The following SLC25A26 variants were observed in gnomAD, a reference collection of about 807,000 sequenced individuals.
SLC25A26 encodes mitochondrial S-adenosylmethionine carrier protein.
Under a neutral mutation model 37.8 loss-of-function variants are expected in SLC25A26, and 36 were observed. The ratio of observed to expected loss-of-function variants is 0.95; its 90% confidence interval spans 0.73 to 1.26. The LOEUF is 1.26. Ranked by LOEUF, SLC25A26 falls within the 50% of genes most tolerant of loss-of-function variation. The pLI, the probability that SLC25A26 is intolerant of heterozygous loss-of-function variation, is 0.00. For missense variants in SLC25A26, 390 were observed against 331.1 expected, an observed-to-expected ratio of 1.18 and a Z score of -1.38; for synonymous variants, 129 against 122.5, an observed-to-expected ratio of 1.05 and a Z score of -0.35.
intron 5 of SLC25A26, among the ~76,000 whole-genome samples, chr3:66,322,698 T>C (rs969424853): frequency 6.6e-6 from 1 of 152,246 alleles, no homozygotes; most frequent in Admixed American, 6.5e-5. Context: ...ATTTGAAGTT[T>C]TGTACATATG....
At chr3:66,241,344 C>G (rs2072575561) in intron 2 of SLC25A26, among the ~76,000 whole-genome samples, 1 of 152,056 alleles carries the variant, frequency 6.6e-6, no homozygotes, top group Admixed American at 6.6e-5. Context: ...TAGGGAATTG[C>G]AAAGAAACAT....
At chr3:66,309,082 G>A (rs1160675614) in intron 5 of SLC25A26, among the ~76,000 whole-genome samples, 1 of 152,094 alleles carries the variant, frequency 6.6e-6, no homozygotes, top group African/African-American at 2.4e-5. Context: ...TTCTTTTTCT[G>A]TTGTTTGGAA....
chr3:66,348,150 A>G (rs2076369805), intron 6 of SLC25A26, among the ~76,000 whole-genome samples: 1 of 152,220 alleles, frequency 6.6e-6, no homozygotes, highest in South Asian at 2.1e-4. Context: ...CAACAACAGC[A>G]AAAGACATTT....
At chr3:66,141,300 C>A (rs1398365050) in intron 1 of SLC25A26, among the ~76,000 whole-genome samples, 2 of 151,638 alleles carry the variant, frequency 1.3e-5, no homozygotes. Flanking sequence ...GGTCTTGCTG[C>A]ATATGTGGTC....
rs115963501 is a variant in SLC25A26, at chr3:66,261,435, A to G, written c.301-616A>G. ...TGGCAGTGTGGATTTGAGATGACAT[A>G]TACCCGGCCTCAGCATGTCACCAAG... On this transcript the variant is annotated intron_variant, in intron 3 of 9. Transcript: ENST00000354883. Among the ~76,000 whole-genome samples the G allele has an allele frequency of 8.0e-3, 1,217 of 152,278 alleles. 19 individuals are homozygous for G. The highest frequency in any genetic ancestry group is 0.028 in the African/African-American group (1,157 of 41,546).
chr3:66,344,642 C>T (rs775026351), intron 5 of SLC25A26, among the ~76,000 whole-genome samples: 13 of 152,338 alleles, frequency 8.5e-5, no homozygotes, highest in Non-Finnish European at 1.2e-4. Context: ...GGGCCCGTGG[C>T]GTGTGCGTGT....
intron 4 of SLC25A26, among the ~76,000 whole-genome samples, chr3:66,262,685 A>T (rs1276228020): frequency 6.6e-6 from 1 of 152,206 alleles, no homozygotes; most frequent in Admixed American, 6.5e-5. Context: ...AGAATCAATC[A>T]CATGGGAATT....
chr3:66,265,989 A>G (rs1332090235), intron 5 of SLC25A26, among the ~76,000 whole-genome samples: 5 of 152,252 alleles, frequency 3.3e-5, no homozygotes, highest in Non-Finnish European at 4.4e-5. Context: ...GATAAAACAC[A>G]TGGTCGCAAC....
At chr3:66,215,390 A>T in intron 1 of SLC25A26, among the ~76,000 whole-genome samples, 1 of 152,052 alleles carries the variant, frequency 6.6e-6, no homozygotes. Flanking sequence ...TTGTAGAAAC[A>T]AGGTCTCCCC....
intron 1 of SLC25A26, among the ~76,000 whole-genome samples, chr3:66,138,137 A>G (rs941670600): frequency 2.6e-5 from 4 of 152,178 alleles, no homozygotes; most frequent in African/African-American, 4.8e-5. Context: ...ATCGGCCCAC[A>G]TGAACATTTT....
At chr3:66,295,731 C>G (rs2074880186) in intron 5 of SLC25A26, among the ~76,000 whole-genome samples, 1 of 151,898 alleles carries the variant, frequency 6.6e-6, no homozygotes, top group Admixed American at 6.5e-5. Context: ...AACTCCTGAC[C>G]TCGTGATCCG....
intron 1 of SLC25A26, among the ~76,000 whole-genome samples, chr3:66,208,666 A>ATG (rs1218856700): frequency 2.9e-5 from 1 of 33,950 alleles, no homozygotes; most frequent in Admixed American, 3.0e-4. Flanking sequence ...ATATGGGTAT[A>ATG]TATATATATA....
At chr3:66,295,315 C>G (rs2074860324) in intron 5 of SLC25A26, among the ~76,000 whole-genome samples, 1 of 152,124 alleles carries the variant, frequency 6.6e-6, no homozygotes, top group South Asian at 2.1e-4. Flanking sequence ...GCTCTGCCTC[C>G]CGGGTTCAAG....
At chr3:66,222,330 G>A (rs2071538208) in intron 1 of SLC25A26, among the ~76,000 whole-genome samples, 1 of 152,126 alleles carries the variant, frequency 6.6e-6, no homozygotes, top group African/African-American at 2.4e-5. Context: ...GCAGGTGCCC[G>A]CCACTACGCC....
intron 6 of SLC25A26, among the ~76,000 whole-genome samples, chr3:66,358,742 C>T (rs1023615605): frequency 1.3e-5 from 2 of 152,144 alleles, no homozygotes; most frequent in African/African-American, 2.4e-5. Context: ...TCCTCCCATC[C>T]GGGCCTCCCA....
chr3:66,262,309 CT>C (rs1467306410), intron 4 of SLC25A26, 154 bp downstream of exon 4: 1 of 155,376 alleles, frequency 6.4e-6, no homozygotes, highest in Non-Finnish European at 1.4e-5. Context: ...TTATCTTTGC[CT>C]TTTATTGGTT....
At chr3:66,333,036 C>T (rs1045285105) in intron 5 of SLC25A26, among the ~76,000 whole-genome samples, 4 of 152,018 alleles carry the variant, frequency 2.6e-5, no homozygotes, top group Admixed American at 6.6e-5. Context: ...CTTCCATTGT[C>T]GCGGGTGAGA....
Position 66,377,750 on chromosome 3 carries a change from G to C in SLC25A26, c.768G>C (p.Leu256=). The change falls in exon 10 of 10, where the codon CTG becomes CTC. Residue 256 remains leucine, a synonymous_variant. Coordinates refer to ENST00000354883, the MANE Select transcript of SLC25A26 (RefSeq NM_001379210.1). ...AAISLGGFIF[L]GAYDRTHSLL... Reference sequence around the variant, plus strand: ...TCAGTCTGGGAGGTTTCATCTTTCTGGGGGCTTATGACCGAACGCACAGCT... The same window carrying C: ...TCAGTCTGGGAGGTTTCATCTTTCTCGGGGCTTATGACCGAACGCACAGCT... The C allele has an allele frequency of 6.2e-7, 1 of 1,613,882 alleles. No homozygotes were observed. The highest frequency in any genetic ancestry group is 8.5e-7 in the Non-Finnish European group (1 of 1,179,866).
At chr3:66,168,153 C>CA (rs1238897849) in intron 1 of SLC25A26, among the ~76,000 whole-genome samples, 1,536 of 53,434 alleles carry the variant, frequency 0.029, 56 homozygotes, top group African/African-American at 0.091. Context: ...AACTCAGTCT[C>CA]AAAAAAAATA....
Sources: gnomAD v4.1 joint callset for allele counts (sites outside exome capture counted in the v4.1 genomes callset) on GRCh38, gnomAD v4.1.1 for gene constraint, MANE v1.5 for transcripts, NCBI Gene and HGNC (gene_info 2026-07-23, HGNC 2026-07-21) for gene names.